Variants in CREBBP observed in about 807,000 individuals in gnomAD.
The protein encoded by CREBBP is CREB binding lysine acetyltransferase.
A neutral mutation model predicts 265.0 loss-of-function variants in CREBBP; 19 were observed. That is an observed-to-expected ratio of 0.07 (90% CI 0.05 to 0.11). The LOEUF is 0.11. CREBBP is among the 10% of genes least tolerant of loss of function. The pLI is 1.00. For missense variants in CREBBP, 2,525 were observed against 3,219.0 expected (o/e 0.78, Z 5.22); for synonymous variants, 1,457 against 1,223.7 (o/e 1.19, Z -3.98).
At chr16:3,869,882 T>C (rs2055258386) in intron 1 of CREBBP, among the ~76,000 whole-genome samples, 1 of 152,296 alleles carries the variant, frequency 6.6e-6, no homozygotes, top group Middle Eastern at 3.4e-3. Flanking sequence ...GCAAAACACT[T>C]GATTCTCTTG....
intron 1 of CREBBP, among the ~76,000 whole-genome samples, chr16:3,862,649 G>T (rs1243734413): frequency 1.3e-5 from 2 of 152,038 alleles, no homozygotes; most frequent in Non-Finnish European, 2.9e-5. Context: ...ATTCTAGTGG[G>T]GTTCTTCCTA....
At chr16:3,847,930 A>G (rs1345266904) in intron 2 of CREBBP, among the ~76,000 whole-genome samples, 1 of 152,216 alleles carries the variant, frequency 6.6e-6, no homozygotes, top group Non-Finnish European at 1.5e-5. Flanking sequence ...GCATTTTGGG[A>G]GGCAGAGGCA....
chr16:3,803,634 G>A (rs1162707557), intron 3 of CREBBP, among the ~76,000 whole-genome samples: 1 of 152,112 alleles, frequency 6.6e-6, no homozygotes, highest in Non-Finnish European at 1.5e-5. Context: ...AGGAAAGCCT[G>A]AGCCCAAGGC....
intron 1 of CREBBP, among the ~76,000 whole-genome samples, chr16:3,864,277 A>G (rs2055134685): frequency 6.6e-6 from 1 of 152,236 alleles, no homozygotes; most frequent in Non-Finnish European, 1.5e-5. Context: ...TGGAAGTGCC[A>G]GTCCATGTAC....
At chr16:3,749,115 C>T (rs1040718574) in intron 21 of CREBBP, among the ~76,000 whole-genome samples, 1 of 152,202 alleles carries the variant, frequency 6.6e-6, no homozygotes, top group African/African-American at 2.4e-5. Flanking sequence ...CCACTGCACT[C>T]CAGCCTCGGG....
intron 2 of CREBBP, among the ~76,000 whole-genome samples, chr16:3,849,167 G>A (rs1414327228): frequency 1.3e-5 from 2 of 152,100 alleles, no homozygotes; most frequent in Admixed American, 6.6e-5. Context: ...GCCTCTGGCC[G>A]CAGAGCATCC....
chr16:3,728,050 G>T lies in CREBBP; in HGVS notation c.6997C>A (p.Gln2333Lys), dbSNP rs377018267. The change falls in exon 31 of 31, where the codon CAG becomes AAG. Residue 2333 changes from glutamine to lysine, a missense_variant. Physicochemically the swap from Gln to Lys is moderately conservative, Grantham distance 53 (BLOSUM62 1). This residue lies in a region of CREBBP where 473 missense variants were observed against 459.3 expected (regional missense o/e 1.03). Coordinates refer to ENST00000262367, the MANE Select transcript of CREBBP (RefSeq NM_004380.3). The surrounding 1 kb of genome is among the most constrained non-coding windows in gnomAD (Gnocchi z 8.7). ...GQPQASHLPG[Q>K]QIATSLSNQV... is the part of the protein sequence containing the mutation. Reference sequence around the variant, plus strand: ...TTACTAAGGGACGTGGCGATCTGCTGGCCAGGGAGATGCGAGGCCTGTGGC... The same window carrying T: ...TTACTAAGGGACGTGGCGATCTGCTTGCCAGGGAGATGCGAGGCCTGTGGC... 7.4e-6 allele frequency: 12 copies of T among 1,613,328 alleles called. No individual in the cohort carries two copies. Among genetic ancestry groups the T allele is most frequent in the Middle Eastern group, 3.3e-4 (2 of 6,062 alleles).
At chr16:3,804,109 A>G (rs976183917) in intron 3 of CREBBP, among the ~76,000 whole-genome samples, 1 of 151,792 alleles carries the variant, frequency 6.6e-6, no homozygotes, top group African/African-American at 2.4e-5. Flanking sequence ...CGACCAACCA[A>G]CCAAAGAAAC....
rs114792779 is a variant in CREBBP, at chr16:3,862,314, G to A, written c.86-11305C>T. The stretch of plus-strand genomic sequence containing the variant: ...GGCAGGCAGAGATGGCTGCTCTGCT[G>A]TGGGGAACTTCAAGGGAAAAGCTCC... On this transcript the variant is annotated intron_variant, in intron 1 of 30. Transcript: ENST00000262367. Among the ~76,000 whole-genome samples the A allele has an allele frequency of 2.8e-3, 432 of 152,188 alleles. 1 individual carries two copies. Among genetic ancestry groups the A allele is most frequent in the African/African-American group, 0.01 (421 of 41,524 alleles).
intron 2 of CREBBP, among the ~76,000 whole-genome samples, chr16:3,845,519 T>G (rs947970453): frequency 1.3e-5 from 2 of 152,132 alleles, no homozygotes; most frequent in East Asian, 3.8e-4. Context: ...GGTACTAAGA[T>G]GATTATAACA....
chr16:3,820,219 A>C (rs2054115182), intron 2 of CREBBP, among the ~76,000 whole-genome samples: 1 of 152,260 alleles, frequency 6.6e-6, no homozygotes, highest in Non-Finnish European at 1.5e-5. Context: ...AAGCCAAGAA[A>C]AGCAGTTTTC....
At chr16:3,761,691 A>G in intron 16 of CREBBP, 1 of 460,650 alleles carries the variant, frequency 2.2e-6, no homozygotes, top group South Asian at 1.6e-5. Flanking sequence ...CTCCCCACGC[A>G]CACGGTCCCC....
At chr16:3,736,471 G>A (rs1333345686) in intron 27 of CREBBP, 179 bp downstream of exon 27, 2 of 952,340 alleles carry the variant, frequency 2.1e-6, no homozygotes, top group African/African-American at 1.6e-5. Flanking sequence ...ACGGCCAGGG[G>A]AAAGCCTCAA....
At position 3,820,766 on chromosome 16, in the gene CREBBP, G is replaced by A. The variant is rs186873081; in HGVS notation, c.799-9987C>T. On this transcript the variant is annotated intron_variant, in intron 2 of 30. Transcript: ENST00000262367. ...TCCCAGCTATTTCGGAGGCTGAGGT[G>A]GGAGGACTGCTCGAACCCAAGAGGT... is the stretch of plus-strand genomic sequence containing the variant. 1.1e-3 allele frequency among the ~76,000 whole-genome samples: 161 copies of A among 152,246 alleles called. 1 individual carries two copies. Among genetic ancestry groups the A allele is most frequent in the African/African-American group, 3.7e-3 (154 of 41,534 alleles).
In CREBBP at chr16:3,849,444, T is replaced by TGTG. The variant is rs1567360560; in HGVS notation, c.798+850_798+852dup. Among the ~76,000 whole-genome samples the TGTG allele has an allele frequency of 8.1e-3, 202 of 24,872 alleles. 13 individuals carry two copies. Among genetic ancestry groups the TGTG allele is most frequent in the Non-Finnish European group, 0.019 (120 of 6,186 alleles). 16.3% of individuals were successfully genotyped at this position (24,872 alleles called of 152,430 possible). On this transcript the variant is annotated intron_variant, in intron 2 of 30. Transcript: ENST00000262367. ...GTGTGTGTGTGTGTGTGTGTGTGTG[T>TGTG]GTGTGTGTGTGTGTGTGTGTGTGTG...
chr16:3,770,708 G>T lies in CREBBP; in HGVS notation c.2742C>A (p.Ser914Arg). ...GGGCTGCTGCCTGGACTGTAGGGGT[G>T]CTCTGGGTTTGGGTAGCACTGGGCA... ...GSVPSATQTQSTPTVQAAAQA... is the reference protein window; with the variant it reads ...GSVPSATQTQRTPTVQAAAQA... Residue 914 changes from serine (S) to arginine (R), a missense_variant, in exon 14 of 31, where the codon AGC becomes AGA. By Grantham distance (110) the Ser-to-Arg change is moderately radical. Around this residue, in one of 19 missense-constraint regions of CREBBP, gnomAD observed 548 missense variants for 533.0 expected, o/e 1.03. Transcript: ENST00000262367. The T allele has an allele frequency of 6.2e-7, 1 of 1,614,098 alleles. No individual in the cohort carries two copies. Among genetic ancestry groups the T allele is most frequent in the South Asian group, 1.1e-5 (1 of 91,086 alleles).
At chr16:3,777,272 T>C (rs2141229347) in intron 11 of CREBBP, among the ~76,000 whole-genome samples, 1 of 151,816 alleles carries the variant, frequency 6.6e-6, no homozygotes, top group African/African-American at 2.4e-5. Flanking sequence ...GAGGCGGAGC[T>C]TGCAGTGAGC....
chr16:3,868,014 C>G (rs186684789), intron 1 of CREBBP, among the ~76,000 whole-genome samples: 61 of 152,230 alleles, frequency 4.0e-4, no homozygotes, highest in African/African-American at 1.4e-3. Context: ...ATGTATCAGT[C>G]TGAAAGGCAC....
chr16:3,867,239 A>G (rs1157646973), intron 1 of CREBBP, among the ~76,000 whole-genome samples: 1 of 152,178 alleles, frequency 6.6e-6, no homozygotes, highest in Non-Finnish European at 1.5e-5. Context: ...TGATGACAGT[A>G]GCAAAACCTC....
Sources: allele counts gnomAD v4.1 joint callset (sites outside exome capture counted in the v4.1 genomes callset), GRCh38; gene constraint gnomAD v4.1.1; regional missense constraint gnomAD v4.1.1; non-coding constraint Gnocchi (gnomAD v3.1); transcripts MANE v1.5; gene names NCBI Gene and HGNC (gene_info 2026-07-23, HGNC 2026-07-21).